GRIN2D: variants seen among roughly 807,000 people sequenced by gnomAD.
GRIN2D encodes the protein glutamate receptor ionotropic, NMDA 2D.
A neutral mutation model predicts 103.2 loss-of-function variants in GRIN2D; 37 were observed. The observed-to-expected ratio is 0.36, with a 90% CI of 0.28 to 0.47. GRIN2D has a LOEUF of 0.47. Ranked by LOEUF, GRIN2D falls within the 20% of genes least tolerant of loss-of-function variation. The pLI is 1.00. For missense variants in GRIN2D, 1,557 were observed against 1,910.6 expected (o/e 0.81, Z 3.45); for synonymous variants, 845 against 885.6 (o/e 0.95, Z 0.81).
intron 11 of GRIN2D, among the ~76,000 whole-genome samples, chr19:48,433,754 A>C (rs1971190100): frequency 6.6e-6 from 1 of 152,168 alleles, no homozygotes. Context: ...TTTTGGATCA[A>C]TTAAAATATG....
At chr19:48,395,317 C>T (rs778951522) in intron 2 of GRIN2D, among the ~76,000 whole-genome samples, 41 of 151,658 alleles carry the variant, frequency 2.7e-4, no homozygotes, top group Non-Finnish European at 4.6e-4. Context: ...TCTCTCCTCT[C>T]GCTCTCCCCT....
At chr19:48,406,641 A>G (rs1210300521) in intron 4 of GRIN2D, among the ~76,000 whole-genome samples, 1 of 152,208 alleles carries the variant, frequency 6.6e-6, no homozygotes, top group Admixed American at 6.5e-5. Context: ...GGCGCTGGGA[A>G]CATAGATGAA....
At chr19:48,425,769 AG>A (rs1399830962) in intron 11 of GRIN2D, among the ~76,000 whole-genome samples, 2 of 152,144 alleles carry the variant, frequency 1.3e-5, no homozygotes, top group East Asian at 3.8e-4. Flanking sequence ...GTCTTTTTAT[AG>A]ATATTTTTCA....
chr19:48,422,190 T>C (rs1310402239), intron 11 of GRIN2D, among the ~76,000 whole-genome samples: 1 of 152,180 alleles, frequency 6.6e-6, no homozygotes, highest in East Asian at 1.9e-4. Context: ...CTCAAATCTT[T>C]GCTCTTCCCC....
intron 4 of GRIN2D, among the ~76,000 whole-genome samples, chr19:48,406,318 G>A (rs1172818188): frequency 6.6e-6 from 1 of 152,208 alleles, no homozygotes; most frequent in Admixed American, 6.5e-5. Context: ...GGACAGGTGT[G>A]TGCCCAACTT....
intron 4 of GRIN2D, among the ~76,000 whole-genome samples, chr19:48,410,260 T>G (rs552419447): frequency 6.7e-6 from 1 of 148,992 alleles, no homozygotes. Context: ...CCAGGCGTGG[T>G]GGCTCACGCC....
At position 48,414,833 on chromosome 19, in the gene GRIN2D, C is replaced by A; in HGVS notation, c.1413-31C>A. 6.2e-7 allele frequency: 1 copy of A among 1,609,946 alleles called. No homozygotes were observed. Among genetic ancestry groups the A allele is most frequent in the Non-Finnish European group, 8.5e-7 (1 of 1,178,346 alleles). On this transcript the variant is annotated intron_variant, in intron 6 of 13. Transcript: ENST00000263269. The surrounding 1 kb of genome is among the most constrained non-coding windows in gnomAD (Gnocchi z 4.6). ...TGAGAGAGTCTAAGGAGGGGGTCCC[C>A]AAACTCCCCAAGCCTGGTCACTGCC...
intron 3 of GRIN2D, among the ~76,000 whole-genome samples, chr19:48,402,621 G>A (rs1248086975): frequency 1.3e-5 from 2 of 150,284 alleles, no homozygotes; most frequent in Admixed American, 1.3e-4. Flanking sequence ...GGAGGCTGAG[G>A]CAGGAGAATG....
chr19:48,398,680 G>A lies in GRIN2D; in HGVS notation c.288G>A (p.Pro96=), dbSNP rs1600967466. The change falls in exon 3 of 14, where the codon CCG becomes CCA. Residue 96 remains proline (P), a synonymous_variant. Transcript: ENST00000263269. ...CGCTGGTGCTCAACGGCTCGGACCC[G>A]CGCAGCCTCGTGCTGCAGCTCTGCG... is the stretch of plus-strand genomic sequence containing the variant. ...PVALVLNGSD[P]RSLVLQLCDL... The A allele has an allele frequency of 4.1e-6, 6 of 1,458,054 alleles. No individual in the cohort carries two copies. The highest frequency in any genetic ancestry group is 2.9e-5 in the African/African-American group (2 of 67,844). 90.3% of individuals were successfully genotyped at this position (1,458,054 alleles called of 1,614,324 possible). A position where few individuals can be genotyped will look rare whatever the true frequency, so the allele number is the denominator to read the frequency against.
chr19:48,425,653 C>G (rs186063941), intron 11 of GRIN2D, among the ~76,000 whole-genome samples: 1 of 152,158 alleles, frequency 6.6e-6, no homozygotes, highest in Non-Finnish European at 1.5e-5. Flanking sequence ...AATCTGTCCC[C>G]GCCTTGAGTT....
At chr19:48,412,421 A>AAAAC (rs1396930362) in intron 4 of GRIN2D, among the ~76,000 whole-genome samples, 1 of 123,330 alleles carries the variant, frequency 8.1e-6, no homozygotes, top group Non-Finnish European at 1.7e-5. Context: ...AAAGAGAAAG[A>AAAAC]AAAGAAAGAA....
intron 11 of GRIN2D, among the ~76,000 whole-genome samples, chr19:48,439,389 C>G (rs903567032): frequency 6.6e-6 from 1 of 152,072 alleles, no homozygotes; most frequent in Non-Finnish European, 1.5e-5. Flanking sequence ...ATTTATTCTG[C>G]AAATATCTAT....
chr19:48,399,460 CG>C (rs1467570958), intron 3 of GRIN2D, among the ~76,000 whole-genome samples: 2 of 151,996 alleles, frequency 1.3e-5, no homozygotes, highest in African/African-American at 4.8e-5. Flanking sequence ...CCCAACTACT[CG>C]GGAGGGTGAG....
At chr19:48,395,401 C>T (rs1030355469) in intron 2 of GRIN2D, among the ~76,000 whole-genome samples, 1 of 152,076 alleles carries the variant, frequency 6.6e-6, no homozygotes, top group Non-Finnish European at 1.5e-5. Flanking sequence ...CCCCAGCACC[C>T]CTCGCCCCAA....
chr19:48,402,573 C>A (rs894957263), intron 3 of GRIN2D, among the ~76,000 whole-genome samples: 1 of 151,180 alleles, frequency 6.6e-6, no homozygotes, highest in Non-Finnish European at 1.5e-5. Flanking sequence ...AAAAATTAGC[C>A]GGGCGCAGTG....
chr19:48,403,335 C>G (rs1377924039), intron 3 of GRIN2D, among the ~76,000 whole-genome samples: 2 of 151,962 alleles, frequency 1.3e-5, no homozygotes, highest in African/African-American at 4.8e-5. Context: ...TGAAGCTGTT[C>G]TATAGCTGCT....
chr19:48,441,995 G>T, intron 12 of GRIN2D, 39 bp downstream of exon 12: 1 of 1,568,810 alleles, frequency 6.4e-7, no homozygotes. Flanking sequence ...CGGAGAGGGG[G>T]AGGGCGAGGC....
chr19:48,423,310 T>C (rs889065238), intron 11 of GRIN2D, among the ~76,000 whole-genome samples: 4 of 152,176 alleles, frequency 2.6e-5, no homozygotes, highest in African/African-American at 9.6e-5. Flanking sequence ...GTCCTGCATT[T>C]ACTCAGTCCT....
chr19:48,396,517 G>A (rs531010522), intron 2 of GRIN2D, among the ~76,000 whole-genome samples: 5 of 151,984 alleles, frequency 3.3e-5, no homozygotes, highest in African/African-American at 4.8e-5. Context: ...TTAACCCCGC[G>A]GGGGCCAGGC....
Sources: allele counts gnomAD v4.1 joint callset (sites outside exome capture counted in the v4.1 genomes callset), GRCh38; gene constraint gnomAD v4.1.1; non-coding constraint Gnocchi (gnomAD v3.1); transcripts MANE v1.5; gene names NCBI Gene and HGNC (gene_info 2026-07-23, HGNC 2026-07-21).